The following PCDHGA8 variants were observed in gnomAD, a reference collection of about 807,000 sequenced individuals.
The protein encoded by PCDHGA8 is protocadherin gamma-A8.
Under a neutral mutation model 59.2 loss-of-function variants are expected in PCDHGA8, and 45 were observed. That is an observed-to-expected ratio of 0.76 (90% CI 0.60 to 0.98). PCDHGA8 has a LOEUF of 0.98. Among genes scored for constraint, PCDHGA8 ranks in the 50% least tolerant of loss-of-function variants. The pLI, the probability that PCDHGA8 is intolerant of heterozygous loss-of-function variation, is 0.00. For synonymous variants in PCDHGA8, 531 were observed against 519.0 expected (o/e 1.02, Z -0.32); for missense variants, 1,257 against 1,196.2 (o/e 1.05, Z -0.75).
At chr5:141,415,885 C>G in intron 1 of PCDHGA8, 2 of 979,016 alleles carry the variant, frequency 2.0e-6, no homozygotes, top group Non-Finnish European at 2.7e-6. Flanking sequence ...ACAATATTGA[C>G]AATTCCTAAG....
chr5:141,393,851 A>T lies in PCDHGA8; in HGVS notation c.1038A>T (p.Glu346Asp), dbSNP rs758721118. ...AAGATGTAAATGACAATAGACCAGA[A>T]GTGATCATTACGTCTTTGTTTAGCC... ...SVEDVNDNRPEVIITSLFSPV... is the reference protein window; with the variant it reads ...SVEDVNDNRPDVIITSLFSPV... Residue 346 changes from glutamate to aspartate, a missense_variant, in exon 1 of 4, where the codon GAA (glutamate) becomes GAT (aspartate). By Grantham distance (45) the Glu-to-Asp change is conservative. Coordinates refer to ENST00000398604, the MANE Select transcript of PCDHGA8 (RefSeq NM_032088.2). The T allele has an allele frequency of 1.2e-6, 2 of 1,613,988 alleles. No homozygotes were observed. Among genetic ancestry groups the T allele is most frequent in the Non-Finnish European group, 1.7e-6 (2 of 1,179,886 alleles).
chr5:141,512,262 C>G lies in PCDHGA8; in HGVS notation c.*1089C>G, dbSNP rs925517361. On this transcript the variant is annotated 3_prime_UTR_variant, in exon 4 of 4. Transcript: ENST00000398604. ...GAGGGGCCTCTGTGGGTGCTGGGTA[C>G]TCCAGAGGTGCCACTGGTGGAAGGG... 1 of 152,712 alleles carries G rather than the reference C, an allele frequency of 6.5e-6. No homozygotes were observed. The highest frequency in any genetic ancestry group is 2.4e-5 in the African/African-American group (1 of 41,452). 9.5% of individuals were successfully genotyped at this position (152,712 alleles called of 1,614,324 possible).
chr5:141,456,641 G>A (rs2098873674), intron 1 of PCDHGA8, among the ~76,000 whole-genome samples: 1 of 152,160 alleles, frequency 6.6e-6, no homozygotes, highest in South Asian at 2.1e-4. Context: ...TACTACAGGT[G>A]TTAATCCCAA....
chr5:141,428,310 G>A (rs2097132610), intron 1 of PCDHGA8: 1 of 671,630 alleles, frequency 1.5e-6, no homozygotes, highest in Admixed American at 2.2e-5. Context: ...ACCTGGTCGT[G>A]GCCTTGGCCT....
At chr5:141,436,793 C>T (rs752376420) in intron 1 of PCDHGA8, among the ~76,000 whole-genome samples, 4 of 152,178 alleles carry the variant, frequency 2.6e-5, no homozygotes, top group Non-Finnish European at 5.9e-5. Flanking sequence ...TAAAACTGTT[C>T]TAAAATTTTT....
At chr5:141,402,788 C>A in intron 1 of PCDHGA8, 1 of 937,148 alleles carries the variant, frequency 1.1e-6, no homozygotes, top group Non-Finnish European at 1.5e-6. Flanking sequence ...AGTTCTGCGG[C>A]TACACAAAAC....
At chr5:141,403,699 T>G (rs780425739) in intron 1 of PCDHGA8, 6 of 1,613,934 alleles carry the variant, frequency 3.7e-6, no homozygotes, top group East Asian at 2.2e-5. Context: ...TTTACCGAGT[T>G]AAAGTCCTTG....
At chr5:141,438,710 G>C (rs568772648) in intron 1 of PCDHGA8, among the ~76,000 whole-genome samples, 2 of 147,308 alleles carry the variant, frequency 1.4e-5, no homozygotes, top group South Asian at 4.3e-4. Context: ...ACCCAGGCTG[G>C]AGTGCAAGTG....
rs1386912520 is a variant in PCDHGA8 at position 141,505,425 on chromosome 5, C to T, written c.2516C>T (p.Pro839Leu). 1.2e-6 allele frequency: 2 copies of T among 1,614,060 alleles called. No individual in the cohort carries two copies. The highest frequency in any genetic ancestry group is 1.7e-6 in the Non-Finnish European group (2 of 1,180,022). The change falls in exon 3 of 4, where the codon CCC becomes CTC. Residue 839 changes from proline to leucine, a missense_variant. Physicochemically the swap from Pro to Leu is moderately conservative, Grantham distance 98 (BLOSUM62 -3). Transcript: ENST00000398604. ...AATGGCGATGACACCGGCACCTGGC[C>T]CAACAACCAGTTTGACACAGAGATG... ...SQNGDDTGTW[P>L]NNQFDTEMLQ... is the part of the protein sequence containing the mutation.
Position 141,485,959 on chromosome 5 carries a change from C to A in PCDHGA8, c.2425-8848C>A, listed in dbSNP as rs758835557. The A allele has an allele frequency of 6.2e-7, 1 of 1,614,160 alleles. No homozygotes were observed. The highest frequency in any genetic ancestry group is 1.3e-5 in the African/African-American group (1 of 75,054). Reference sequence around the variant, plus strand: ...GCGCACCAGCGGGCATGGTGCTCATCCAGCTCAATGCCTCAGACCCGGACC... The same window carrying A: ...GCGCACCAGCGGGCATGGTGCTCATACAGCTCAATGCCTCAGACCCGGACC... On this transcript the variant is annotated intron_variant, in intron 1 of 3. Coordinates refer to ENST00000398604, the MANE Select transcript of PCDHGA8 (RefSeq NM_032088.2). The surrounding 1 kb of genome is among the most constrained non-coding windows in gnomAD (Gnocchi z 5.7).
intron 1 of PCDHGA8, chr5:141,395,733 T>C (rs567626582): frequency 5.9e-5 from 9 of 153,748 alleles, no homozygotes; most frequent in African/African-American, 2.2e-4. Context: ...TTTCTTCACT[T>C]TAAACCTCTT....
intron 1 of PCDHGA8, among the ~76,000 whole-genome samples, chr5:141,468,165 A>T (rs1249592462): frequency 1.3e-5 from 2 of 151,940 alleles, no homozygotes; most frequent in Non-Finnish European, 2.9e-5. Flanking sequence ...TCTCTGCTAA[A>T]AATAGAAAAA....
chr5:141,489,428 G>C lies in PCDHGA8; in HGVS notation c.2425-5379G>C, dbSNP rs561792279. The C allele has an allele frequency of 1.2e-6, 2 of 1,613,994 alleles. No individual in the cohort carries two copies. Among genetic ancestry groups the C allele is most frequent in the Non-Finnish European group, 1.7e-6 (2 of 1,180,038 alleles). On this transcript the variant is annotated intron_variant, in intron 1 of 3. Coordinates refer to ENST00000398604, the MANE Select transcript of PCDHGA8 (RefSeq NM_032088.2). This position sits in a 1 kb window ranked among gnomAD's most constrained non-coding sequence, Gnocchi z 4.5. The stretch of plus-strand genomic sequence containing the variant: ...AAGATGACAGATCTGTTGAGCCGGC[G>C]GCTGCAATTGGGCTCTGAGGAGAAT...
intron 1 of PCDHGA8, among the ~76,000 whole-genome samples, chr5:141,429,369 G>A (rs1368624471): frequency 6.7e-6 from 1 of 148,994 alleles, no homozygotes; most frequent in Non-Finnish European, 1.5e-5. Context: ...AGAAAATGGA[G>A]AAAATGTGTT....
At chr5:141,419,273 G>A (rs751868316) in intron 1 of PCDHGA8, 2 of 1,614,034 alleles carry the variant, frequency 1.2e-6, no homozygotes, top group South Asian at 1.1e-5. Flanking sequence ...TGCCTCCATA[G>A]CGCAAGTCAG....
At position 141,432,782 on chromosome 5, in the gene PCDHGA8, C is replaced by G. The variant is rs547164205; in HGVS notation, c.2424+37545C>G. On this transcript the variant is annotated intron_variant, in intron 1 of 3. Transcript: ENST00000398604. The surrounding 1 kb of genome is among the most constrained non-coding windows in gnomAD (Gnocchi z 6.0). ...CAGCATCCCCCAAGTCCTGGCGGACCTCGGCAGCCTCGAGTCTCCAGCTAA... is the reference window on the plus strand; with the variant it reads ...CAGCATCCCCCAAGTCCTGGCGGACGTCGGCAGCCTCGAGTCTCCAGCTAA... 4.3e-6 allele frequency: 7 copies of G among 1,614,046 alleles called. No individual in the cohort carries two copies. The highest frequency in any genetic ancestry group is 3.3e-4 in the Middle Eastern group (2 of 6,084).
intron 1 of PCDHGA8, chr5:141,419,559 T>C: frequency 6.2e-7 from 1 of 1,611,930 alleles, no homozygotes. Context: ...TACCCTGCGC[T>C]GGGTCCCGAC....
chr5:141,491,316 T>C lies in PCDHGA8; in HGVS notation c.2425-3491T>C. The C allele has an allele frequency of 3.1e-6, 5 of 1,614,176 alleles. No homozygotes were observed. The highest frequency in any genetic ancestry group is 3.4e-6 in the Non-Finnish European group (4 of 1,180,004). ...CTCCTGAGCGTTCAGACCTTACCCT[T>C]TACCTCATTGTGGCTCTAGCGACCG... is the stretch of plus-strand genomic sequence containing the variant. On this transcript the variant is annotated intron_variant, in intron 1 of 3. Coordinates refer to ENST00000398604, the MANE Select transcript of PCDHGA8 (RefSeq NM_032088.2). The surrounding 1 kb of genome is among the most constrained non-coding windows in gnomAD (Gnocchi z 6.9).
At position 141,431,412 on chromosome 5, in the gene PCDHGA8, G is replaced by A. The variant is rs1458036274; in HGVS notation, c.2424+36175G>A. ...CTGGTCCTTACGGCCTCCGACGGGG[G>A]CGACCCGGTGCGCACAGGCACCGCG... On this transcript the variant is annotated intron_variant, in intron 1 of 3. Transcript: ENST00000398604. This position sits in a 1 kb window ranked among gnomAD's most constrained non-coding sequence, Gnocchi z 4.8. 1 of 1,613,596 alleles carries A rather than the reference G, an allele frequency of 6.2e-7. No homozygotes were observed. Among genetic ancestry groups the A allele is most frequent in the Non-Finnish European group, 8.5e-7 (1 of 1,180,058 alleles).
Sources: gnomAD v4.1 joint callset for allele counts (sites outside exome capture counted in the v4.1 genomes callset) on GRCh38, gnomAD v4.1.1 for gene constraint, Gnocchi (gnomAD v3.1) non-coding constraint, MANE v1.5 for transcripts, NCBI Gene and HGNC (gene_info 2026-07-23, HGNC 2026-07-21) for gene names.